The following SNRPD3 variants were observed in gnomAD, a reference collection of about 807,000 sequenced individuals.
SNRPD3 encodes small nuclear ribonucleoprotein Sm D3.
For synonymous variants in SNRPD3, 66 were observed against 58.4 expected (o/e 1.13, Z -0.59); for missense variants, 73 against 167.5 (o/e 0.44, Z 3.11).
At chr22:24,560,816 T>A (rs1202922843) in intron 2 of SNRPD3, among the ~76,000 whole-genome samples, 1 of 139,428 alleles carries the variant, frequency 7.2e-6, no homozygotes, top group Non-Finnish European at 1.5e-5. Flanking sequence ...CAAACCTCCG[T>A]CTTCCCGGGT....
chr22:24,560,832 C>G (rs1042182683), intron 2 of SNRPD3, among the ~76,000 whole-genome samples: 6 of 145,132 alleles, frequency 4.1e-5, no homozygotes, highest in Non-Finnish European at 6.0e-5. Context: ...CGGGTTTAAG[C>G]AACTCTCTTG....
intron 2 of SNRPD3, among the ~76,000 whole-genome samples, chr22:24,564,033 T>C (rs1454443949): frequency 6.6e-6 from 1 of 152,220 alleles, no homozygotes; most frequent in Non-Finnish European, 1.5e-5. Context: ...TTTTTTTTCC[T>C]GTACTGTTTG....
chr22:24,564,312 A>G (rs2045175428), intron 2 of SNRPD3, among the ~76,000 whole-genome samples: 1 of 152,174 alleles, frequency 6.6e-6, no homozygotes, highest in Admixed American at 6.5e-5. Context: ...ACTTTGTGCT[A>G]CAAAGATTCT....
At chr22:24,565,886 A>G (rs1486484402) in intron 2 of SNRPD3, among the ~76,000 whole-genome samples, 1 of 151,864 alleles carries the variant, frequency 6.6e-6, no homozygotes, top group East Asian at 1.9e-4. Flanking sequence ...GTCTCAGGTG[A>G]TCCACCCACC....
At chr22:24,564,359 C>G (rs1217941053) in intron 2 of SNRPD3, among the ~76,000 whole-genome samples, 2 of 152,290 alleles carry the variant, frequency 1.3e-5, no homozygotes, top group East Asian at 1.9e-4. Flanking sequence ...AGTTGGGTAC[C>G]TGGCTTATAC....
rs536764720 is a variant in SNRPD3, at chr22:24,564,064, T to G, written c.127-3920T>G. Among the ~76,000 whole-genome samples, 344 of 152,320 alleles carry G rather than the reference T, an allele frequency of 2.3e-3. 6 individuals are homozygous for G. The highest frequency in any genetic ancestry group is 2.7e-3 in the Non-Finnish European group (187 of 68,028). ...GTTTGTGTGTGGATTGCATTCATCA[T>G]GCTCCTCTACCCCATAATACTTTTG... On this transcript the variant is annotated intron_variant, in intron 2 of 3. Transcript: ENST00000215829.
intron 2 of SNRPD3, among the ~76,000 whole-genome samples, chr22:24,559,762 G>T (rs991807266): frequency 1.3e-5 from 2 of 152,112 alleles, no homozygotes; most frequent in African/African-American, 4.8e-5. Context: ...ACAGCCACCT[G>T]CCTCCCTGCT....
intron 2 of SNRPD3, among the ~76,000 whole-genome samples, chr22:24,562,034 A>G (rs1449085340): frequency 6.6e-6 from 1 of 151,824 alleles, no homozygotes; most frequent in Non-Finnish European, 1.5e-5. Flanking sequence ...AACGATTCGG[A>G]AAAGATAAAT....
At position 24,563,292 on chromosome 22, in the gene SNRPD3, G is replaced by GTA. The variant is rs3037943; in HGVS notation, c.127-4678_127-4677dup. 1.2e-4 allele frequency among the ~76,000 whole-genome samples: 15 copies of GTA among 124,250 alleles called. No individual in the cohort carries two copies. The East Asian group carries it at 1.9e-3, about 15-fold the overall frequency. 81.5% of individuals were successfully genotyped at this position (124,250 alleles called of 152,430 possible). ...TATGTATATATATGTGTGTGTGTGT[G>GTA]TATATATATATATATTTTTTTTTTT... is the stretch of plus-strand genomic sequence containing the variant. On this transcript the variant is annotated intron_variant, in intron 2 of 3. Transcript: ENST00000215829.
intron 3 of SNRPD3, among the ~76,000 whole-genome samples, chr22:24,570,943 C>T (rs2045244947): frequency 6.6e-6 from 1 of 151,184 alleles, no homozygotes; most frequent in Non-Finnish European, 1.5e-5. Context: ...CTCAGCCTCC[C>T]AAGTAACTGG....
Position 24,574,770 on chromosome 22 carries a change from G to T in SNRPD3, c.*2793G>T, listed in dbSNP as rs939401331. Reference sequence around the variant, plus strand: ...TTGCCCAAGCTGGTCTTGAACTCCGGGGCTCAAGTGATCTGCCCGCCTCGG... The same window carrying T: ...TTGCCCAAGCTGGTCTTGAACTCCGTGGCTCAAGTGATCTGCCCGCCTCGG... On this transcript the variant is annotated 3_prime_UTR_variant, in exon 4 of 4. Transcript: ENST00000215829. Among the ~76,000 whole-genome samples the T allele has an allele frequency of 8.5e-5, 13 of 152,062 alleles. No individual in the cohort carries two copies. Among genetic ancestry groups the T allele is most frequent in the Admixed American group, 5.9e-4 (9 of 15,248 alleles).
At chr22:24,558,517 C>T (rs2045102134) in intron 2 of SNRPD3, among the ~76,000 whole-genome samples, 1 of 152,182 alleles carries the variant, frequency 6.6e-6, no homozygotes, top group African/African-American at 2.4e-5. Flanking sequence ...GTATTAACCA[C>T]TCAGTTTTCT....
At position 24,560,715 on chromosome 22, in the gene SNRPD3, C is replaced by CCTTTTTTTTT. The variant is rs1569024539; in HGVS notation, c.126+2915_126+2916insCTTTTTTTTT. 5.1e-5 allele frequency among the ~76,000 whole-genome samples: 5 copies of CCTTTTTTTTT among 98,864 alleles called. 2 individuals are homozygous for CCTTTTTTTTT. The highest frequency in any genetic ancestry group is 8.9e-5 in the African/African-American group (2 of 22,370). 64.9% of individuals were successfully genotyped at this position (98,864 alleles called of 152,430 possible). A position where few individuals can be genotyped will look rare whatever the true frequency, so the allele number is the denominator to read the frequency against. On this transcript the variant is annotated intron_variant, in intron 2 of 3. Transcript: ENST00000215829. ...ACAGGCGTGAGCCACTGCACCTGGC[C>CCTTTTTTTTT]TTTTTTTTTTTTTTTTTTTTTTTTT... is the stretch of plus-strand genomic sequence containing the variant.
At chr22:24,561,336 A>G (rs1004110929) in intron 2 of SNRPD3, among the ~76,000 whole-genome samples, 1 of 150,426 alleles carries the variant, frequency 6.6e-6, no homozygotes, top group African/African-American at 2.4e-5. Flanking sequence ...AGTCTCTCAA[A>G]CTCCTGGAAT....
At chr22:24,560,678 A>G (rs1348455279) in intron 2 of SNRPD3, among the ~76,000 whole-genome samples, 1 of 137,144 alleles carries the variant, frequency 7.3e-6, no homozygotes, top group Non-Finnish European at 1.5e-5. Context: ...CAGCCTCCCA[A>G]GTGCTAGGAT....
In SNRPD3 at chr22:24,560,715, CTTTTTTTTTTTTTTT is replaced by C. The variant is rs59348518; in HGVS notation, c.126+2931_126+2945del. The stretch of plus-strand genomic sequence containing the variant: ...ACAGGCGTGAGCCACTGCACCTGGC[CTTTTTTTTTTTTTTT>C]TTTTTTTTTTTTTTTGAGACAGAAT... On this transcript the variant is annotated intron_variant, in intron 2 of 3. Coordinates refer to ENST00000215829, the MANE Select transcript of SNRPD3 (RefSeq NM_004175.5). Among the ~76,000 whole-genome samples the C allele has an allele frequency of 1.2e-4, 12 of 98,864 alleles. 1 individual carries two copies. The highest frequency in any genetic ancestry group is 3.6e-4 in the South Asian group (1 of 2,776). 64.9% of individuals were successfully genotyped at this position (98,864 alleles called of 152,430 possible). A position where few individuals can be genotyped will look rare whatever the true frequency, so the allele number is the denominator to read the frequency against.
intron 2 of SNRPD3, among the ~76,000 whole-genome samples, chr22:24,565,446 G>C (rs2045187837): frequency 6.6e-6 from 1 of 152,166 alleles, no homozygotes; most frequent in African/African-American, 2.4e-5. Flanking sequence ...TCTAATAAGT[G>C]CTCAGTAACT....
In SNRPD3 at chr22:24,557,654, T is replaced by A. The variant is rs113181999; in HGVS notation, c.-18-3T>A. On this transcript the variant is annotated splice_polypyrimidine_tract_variant and splice_region_variant and intron_variant, in intron 1 of 3. Transcript: ENST00000215829. ...GAACTGACTGTTGTCTCTCTCATTG[T>A]AGAACTCTCTTCCTGCCAAGATGTC... 1 of 1,609,558 alleles carries A rather than the reference T, an allele frequency of 6.2e-7. No individual in the cohort carries two copies. Among genetic ancestry groups the A allele is most frequent in the African/African-American group, 1.3e-5 (1 of 74,898 alleles).
intron 2 of SNRPD3, among the ~76,000 whole-genome samples, chr22:24,566,503 C>G (rs967918328): frequency 1.1e-4 from 16 of 152,090 alleles, no homozygotes; most frequent in African/African-American, 3.9e-4. Context: ...CTCAAGTGAT[C>G]CTCCCACCTT....
Sources: gnomAD v4.1 joint callset for allele counts (sites outside exome capture counted in the v4.1 genomes callset) on GRCh38, gnomAD v4.1.1 for gene constraint, MANE v1.5 for transcripts, NCBI Gene and HGNC (gene_info 2026-07-23, HGNC 2026-07-21) for gene names.